Variants in CAST observed in about 807,000 individuals in gnomAD.
The protein encoded by CAST is calpastatin.
A neutral mutation model predicts 119.6 loss-of-function variants in CAST; 76 were observed. The observed-to-expected ratio is 0.64, with a 90% CI of 0.53 to 0.77. The LOEUF is 0.77. Among genes scored for constraint, CAST ranks in the 30% least tolerant of loss-of-function variants. The probability of loss-of-function intolerance (pLI) is 0.00; values close to 1 mark genes in which losing one functional copy is unlikely to be tolerated. For synonymous variants in CAST, 319 were observed against 331.6 expected (o/e 0.96, Z 0.41); for missense variants, 953 against 946.5 (o/e 1.01, Z -0.09).
the CAST span, among the ~76,000 whole-genome samples, chr5:96,309,424 G>C: frequency 6.6e-6 from 1 of 152,220 alleles, no homozygotes; most frequent in Admixed American, 6.5e-5. Flanking sequence ...CAGACCACTT[G>C]GCTCCCTGGC....
At chr5:96,297,868 A>C in the CAST span, among the ~76,000 whole-genome samples, 4 of 152,196 alleles carry the variant, frequency 2.6e-5, no homozygotes, top group Non-Finnish European at 4.4e-5. Flanking sequence ...TATGCAGAAC[A>C]ATTTCTAAAT....
the CAST span, among the ~76,000 whole-genome samples, chr5:96,418,751 A>G: frequency 6.6e-6 from 1 of 152,172 alleles, no homozygotes; most frequent in Admixed American, 6.5e-5. Context: ...TTTTTATTAT[A>G]CCTTCTGATA....
chr5:96,050,484 G>A, the CAST span, among the ~76,000 whole-genome samples: 1 of 152,154 alleles, frequency 6.6e-6, no homozygotes, highest in Non-Finnish European at 1.5e-5. Context: ...GATCAGTGTG[G>A]ATAAAAACAG....
the CAST span, chr5:96,398,762 A>G: frequency 1.1e-6 from 1 of 876,060 alleles, no homozygotes; most frequent in Non-Finnish European, 1.9e-6. Context: ...ATGTTTTTTA[A>G]GACCTGAAAA....
upstream of CAST, among the ~76,000 whole-genome samples, chr5:96,523,536 C>T (rs1035546519): frequency 3.9e-5 from 6 of 152,170 alleles, no homozygotes; most frequent in East Asian, 1.9e-4. Context: ...CCTTCCATGC[C>T]GGGAGGCTCC....
At chr5:96,257,960 T>A in the CAST span, among the ~76,000 whole-genome samples, 1 of 152,180 alleles carries the variant, frequency 6.6e-6, no homozygotes, top group Non-Finnish European at 1.5e-5. Context: ...TTAACAGGTT[T>A]GTAGAATGTG....
At chr5:96,662,148 G>GCCGGGGCGGGTCACCGGGTGAGGA, upstream of CAST, 1 of 385,948 alleles carries the variant, frequency 2.6e-6, no homozygotes, top group Non-Finnish European at 4.6e-6. Flanking sequence ...CAGTGCTGGG[G>GCCGGGGCGGGTCACCGGGTGAGGA]CCGGGGCGGG....
At chr5:96,659,221 T>C (rs1032513893), upstream of CAST, among the ~76,000 whole-genome samples, 1 of 152,136 alleles carries the variant, frequency 6.6e-6, no homozygotes, top group Admixed American at 6.5e-5. Context: ...ATTACCAAAA[T>C]GTGGGTAGAC....
intron 1 of CAST, among the ~76,000 whole-genome samples, chr5:96,541,629 C>A (rs1745914918): frequency 6.6e-6 from 1 of 152,192 alleles, no homozygotes; most frequent in Non-Finnish European, 1.5e-5. Context: ...TCATTCCTGT[C>A]TCTTCCCCTA....
At chr5:96,046,015 C>T in the CAST span, among the ~76,000 whole-genome samples, 11 of 151,940 alleles carry the variant, frequency 7.2e-5, no homozygotes, top group African/African-American at 2.7e-4. Context: ...ATGGAGTGGG[C>T]CATGTGGATA....
At chr5:96,655,722 T>C (rs566871398) in intron 1 of CAST, among the ~76,000 whole-genome samples, 4 of 152,388 alleles carry the variant, frequency 2.6e-5, no homozygotes, top group African/African-American at 9.6e-5. Context: ...TAGTTGGTTA[T>C]GACATTTAGT....
the CAST span, among the ~76,000 whole-genome samples, chr5:96,394,049 G>T: frequency 6.6e-6 from 1 of 152,192 alleles, no homozygotes; most frequent in Non-Finnish European, 1.5e-5. Flanking sequence ...AATATAAATG[G>T]AACTAGAATT....
chr5:96,285,379 CA>C, the CAST span, among the ~76,000 whole-genome samples: 1 of 152,156 alleles, frequency 6.6e-6, no homozygotes, highest in Non-Finnish European at 1.5e-5. Context: ...AAGAACTGTA[CA>C]AATTTCAGGT....
the CAST span, among the ~76,000 whole-genome samples, chr5:96,232,413 A>G: frequency 1.3e-5 from 2 of 152,170 alleles, no homozygotes; most frequent in African/African-American, 4.8e-5. Context: ...GATTGAAAAC[A>G]AATAACATTG....
chr5:96,031,178 T>G, the CAST span, among the ~76,000 whole-genome samples: 3 of 151,696 alleles, frequency 2.0e-5, 1 homozygote, highest in South Asian at 6.2e-4. Flanking sequence ...TTTATCAGAT[T>G]TAATAAACTT....
At chr5:96,522,510 G>A (rs1745534738), upstream of CAST, among the ~76,000 whole-genome samples, 2 of 152,244 alleles carry the variant, frequency 1.3e-5, no homozygotes, top group African/African-American at 4.8e-5. Context: ...TAAAATGAAT[G>A]TTGCACAGTA....
chr5:96,434,352 G>GC, the CAST span, among the ~76,000 whole-genome samples: 10 of 152,210 alleles, frequency 6.6e-5, no homozygotes, highest in Non-Finnish European at 1.0e-4. Context: ...CAGGACTGCC[G>GC]CAGGAGCTGC....
the CAST span, among the ~76,000 whole-genome samples, chr5:96,121,129 G>C: frequency 6.6e-6 from 1 of 151,992 alleles, no homozygotes; most frequent in African/African-American, 2.4e-5. Context: ...ATTTTTAAAA[G>C]AGTGCCTGTT....
Position 96,741,374 on chromosome 5 carries a change from T to G in CAST, c.1011+16T>G, listed in dbSNP as rs1472893724. The G allele has an allele frequency of 2.6e-6, 4 of 1,567,824 alleles. No homozygotes were observed. In the African/African-American group the frequency reaches 5.4e-5, roughly 21 times the overall value. On this transcript the variant is annotated intron_variant, in intron 14 of 31. Coordinates refer to ENST00000675179, the MANE Select transcript of CAST (RefSeq NM_001750.7). ...TGAAAAAGAGGTATTGTTTTTAGTG[T>G]TGTTAAGGGAAACTTGTTAGGAACT...
Sources: allele counts gnomAD v4.1 joint callset (sites outside exome capture counted in the v4.1 genomes callset), GRCh38; gene constraint gnomAD v4.1.1; transcripts MANE v1.5; gene names NCBI Gene and HGNC (gene_info 2026-07-23, HGNC 2026-07-21).